Variants in CACHD1 observed in about 807,000 individuals in gnomAD.
The protein encoded by CACHD1 is VWFA and cache domain-containing protein 1.
A neutral mutation model predicts 138.7 loss-of-function variants in CACHD1; 71 were observed. The ratio of observed to expected loss-of-function variants is 0.51; its 90% CI spans 0.42 to 0.62. CACHD1 has a LOEUF of 0.62. Among genes scored for constraint, CACHD1 ranks in the 20% least tolerant of loss-of-function variants. The pLI is 0.00. For missense variants in CACHD1, 1,389 were observed against 1,625.3 expected (o/e 0.85, Z 2.50); for synonymous variants, 578 against 591.5 (o/e 0.98, Z 0.33).
At chr1:64,496,307 G>A (rs1336450019) in intron 1 of CACHD1, among the ~76,000 whole-genome samples, 1 of 152,134 alleles carries the variant, frequency 6.6e-6, no homozygotes, top group Non-Finnish European at 1.5e-5. Flanking sequence ...AATAGTTGTA[G>A]TATTTAAGTT....
intron 2 of CACHD1, among the ~76,000 whole-genome samples, chr1:64,568,747 T>C (rs1401088249): frequency 3.3e-5 from 5 of 152,156 alleles, no homozygotes; most frequent in Non-Finnish European, 7.3e-5. Flanking sequence ...GGTGTTGAGG[T>C]AAGCTGAGAT....
intron 5 of CACHD1, among the ~76,000 whole-genome samples, chr1:64,631,716 G>A (rs1220126766): frequency 1.3e-5 from 2 of 152,136 alleles, no homozygotes; most frequent in African/African-American, 4.8e-5. Context: ...CTGCACATTA[G>A]CAAAAGGCTG....
intron 1 of CACHD1, among the ~76,000 whole-genome samples, chr1:64,549,196 A>C (rs1646740624): frequency 6.6e-6 from 1 of 152,226 alleles, no homozygotes; most frequent in Non-Finnish European, 1.5e-5. Flanking sequence ...AGTGCCTATC[A>C]CAAAGGTGTT....
At chr1:64,675,758 A>G in intron 20 of CACHD1, 139 bp from the exon 21 acceptor site, 2 of 704,012 alleles carry the variant, frequency 2.8e-6, no homozygotes, top group Non-Finnish European at 4.4e-6. Context: ...CCATTTATGT[A>G]TTTAACCTTT....
At chr1:64,535,976 A>G (rs1006148607) in intron 1 of CACHD1, among the ~76,000 whole-genome samples, 1 of 152,158 alleles carries the variant, frequency 6.6e-6, no homozygotes, top group Non-Finnish European at 1.5e-5. Flanking sequence ...TGTGCTCCCC[A>G]TCGTATTCCT....
At chr1:64,657,664 G>T (rs1649310104) in intron 12 of CACHD1, among the ~76,000 whole-genome samples, 1 of 152,182 alleles carries the variant, frequency 6.6e-6, no homozygotes, top group South Asian at 2.1e-4. Flanking sequence ...CTGTGTTTAA[G>T]AGTCTACAAC....
chr1:64,602,783 C>G (rs372693053), intron 3 of CACHD1, 23 bp from the exon 4 acceptor site: 246 of 1,522,284 alleles, frequency 1.6e-4, no homozygotes, highest in Non-Finnish European at 2.2e-4. Context: ...ATAAGTATTG[C>G]TAATTCTCTC....
chr1:64,586,544 T>C (rs963820898), intron 3 of CACHD1, among the ~76,000 whole-genome samples: 2 of 152,170 alleles, frequency 1.3e-5, no homozygotes, highest in African/African-American at 4.8e-5. Context: ...TTGAATCTCA[T>C]GAACTCATAT....
At chr1:64,522,591 G>GTT in intron 1 of CACHD1, among the ~76,000 whole-genome samples, 1 of 152,282 alleles carries the variant, frequency 6.6e-6, no homozygotes, top group Non-Finnish European at 1.5e-5. Context: ...ACAGGCATGA[G>GTT]CCCTGGTCGG....
At chr1:64,554,320 A>G (rs1393015506) in intron 2 of CACHD1, among the ~76,000 whole-genome samples, 1 of 152,232 alleles carries the variant, frequency 6.6e-6, no homozygotes, top group East Asian at 1.9e-4. Flanking sequence ...TAATGATGGT[A>G]GAACTGTGTG....
At chr1:64,511,485 G>T (rs1646420192) in intron 1 of CACHD1, among the ~76,000 whole-genome samples, 1 of 152,168 alleles carries the variant, frequency 6.6e-6, no homozygotes, top group Non-Finnish European at 1.5e-5. Flanking sequence ...GAGGTTATTA[G>T]AAATCTAGAG....
chr1:64,652,307 A>C lies in CACHD1; in HGVS notation c.1537A>C (p.Lys513Gln). 1 of 1,604,524 alleles carries C rather than the reference A, an allele frequency of 6.2e-7. No individual in the cohort carries two copies. The highest frequency in any genetic ancestry group is 8.5e-7 in the Non-Finnish European group (1 of 1,177,272). The change falls in exon 10 of 27, where the codon AAA becomes CAA. Residue 513 changes from lysine (K) to glutamine (Q), a missense_variant. Physicochemically the swap from Lys to Gln is moderately conservative, Grantham distance 53. Coordinates refer to ENST00000651257, the MANE Select transcript of CACHD1 (RefSeq NM_020925.4). ...TTCCTATACTTTTCTCATAGACGAC[A>C]AAGGTAATCTGCTAAATGTTCATCC... Reference protein sequence around the residue: ...LASYTFLIDDKGYTLMHPSLT... With the variant: ...LASYTFLIDDQGYTLMHPSLT...
chr1:64,684,300 G>A (rs1650284662), intron 26 of CACHD1, among the ~76,000 whole-genome samples: 1 of 145,594 alleles, frequency 6.9e-6, no homozygotes, highest in Admixed American at 6.8e-5. Context: ...AATTTTTTTT[G>A]GTATTTTATC....
rs759666637 is a variant in CACHD1, at chr1:64,673,152, G to A, written c.2511-6G>A. 4 of 1,611,280 alleles carry A rather than the reference G, an allele frequency of 2.5e-6. No individual in the cohort carries two copies. The highest frequency in any genetic ancestry group is 3.9e-4 in the Middle Eastern group (2 of 5,138). ...TGAATGAGGGGCATAACTTGTTTTGGTACAGGTGCTTCATAATGGAGGACA... is the reference window on the plus strand; with the variant it reads ...TGAATGAGGGGCATAACTTGTTTTGATACAGGTGCTTCATAATGGAGGACA... On this transcript the variant is annotated splice_region_variant and splice_polypyrimidine_tract_variant and intron_variant, in intron 17 of 26. Coordinates refer to ENST00000651257, the MANE Select transcript of CACHD1 (RefSeq NM_020925.4).
At chr1:64,487,536 C>T (rs1646250375) in intron 1 of CACHD1, among the ~76,000 whole-genome samples, 1 of 152,178 alleles carries the variant, frequency 6.6e-6, no homozygotes, top group South Asian at 2.1e-4. Context: ...CCAATATTTA[C>T]TACAATTATC....
chr1:64,667,919 TG>T (rs1211886080), intron 16 of CACHD1, among the ~76,000 whole-genome samples: 1 of 152,250 alleles, frequency 6.6e-6, no homozygotes, highest in Non-Finnish European at 1.5e-5. Flanking sequence ...TACGTTTACA[TG>T]TTTTTGTTGG....
intron 4 of CACHD1, among the ~76,000 whole-genome samples, chr1:64,621,532 C>T (rs953785236): frequency 2.0e-5 from 3 of 152,046 alleles, no homozygotes; most frequent in Non-Finnish European, 4.4e-5. Context: ...ATACACAGGA[C>T]GTTACCAGTT....
At chr1:64,590,322 CAA>C (rs67217249) in intron 3 of CACHD1, among the ~76,000 whole-genome samples, 1,631 of 86,196 alleles carry the variant, frequency 0.019, 29 homozygotes, top group African/African-American at 0.058. Context: ...GACTCTGTCT[CAA>C]AAAAAAAAAA....
chr1:64,472,669 T>G (rs1033451668), intron 1 of CACHD1, among the ~76,000 whole-genome samples: 2 of 152,172 alleles, frequency 1.3e-5, no homozygotes, highest in African/African-American at 4.8e-5. Flanking sequence ...GATAGAAAAC[T>G]AGGATTAAAA....
Sources: allele counts gnomAD v4.1 joint callset (sites outside exome capture counted in the v4.1 genomes callset), GRCh38; gene constraint gnomAD v4.1.1; transcripts MANE v1.5; gene names NCBI Gene and HGNC (gene_info 2026-07-23, HGNC 2026-07-21).